Variants in PCDHGA8 observed in about 807,000 individuals in gnomAD.
The protein encoded by PCDHGA8 is protocadherin gamma-A8.
A neutral mutation model predicts 59.2 loss-of-function variants in PCDHGA8; 45 were observed. That is an observed-to-expected ratio of 0.76 (90% CI 0.60 to 0.98). The LOEUF is 0.98. Ranked by LOEUF, PCDHGA8 falls within the 50% of genes least tolerant of loss-of-function variation. The pLI is 0.00. For missense variants in PCDHGA8, 1,257 were observed against 1,196.2 expected, an observed-to-expected ratio of 1.05 and a Z score of -0.75; for synonymous variants, 531 against 519.0, an observed-to-expected ratio of 1.02 and a Z score of -0.32.
Position 141,477,486 on chromosome 5 carries a change from C to A in PCDHGA8, c.2425-17321C>A. On this transcript the variant is annotated intron_variant, in intron 1 of 3. Coordinates refer to ENST00000398604, the MANE Select transcript of PCDHGA8 (RefSeq NM_032088.2). This position sits in a 1 kb window ranked among gnomAD's most constrained non-coding sequence, Gnocchi z 4.9. ...GACATCAATGACAACCCTCCACAAT[C>A]TTCTCAATCTTCCTACGACGTTTAC... is the stretch of plus-strand genomic sequence containing the variant. The A allele has an allele frequency of 6.2e-7, 1 of 1,614,170 alleles. No homozygotes were observed. The highest frequency in any genetic ancestry group is 8.5e-7 in the Non-Finnish European group (1 of 1,180,040).
intron 1 of PCDHGA8, among the ~76,000 whole-genome samples, chr5:141,460,620 C>G (rs185269852): frequency 5.6e-4 from 85 of 151,856 alleles, no homozygotes; most frequent in African/African-American, 1.9e-3. Context: ...GATAGATAGA[C>G]AGATACAGAT....
intron 1 of PCDHGA8, chr5:141,399,438 T>C (rs2093809569): frequency 1.2e-6 from 2 of 1,613,996 alleles, no homozygotes; most frequent in Admixed American, 1.7e-5. Flanking sequence ...TCATCCTACA[T>C]ATCAGAGACG....
In PCDHGA8 at chr5:141,485,079, A is replaced by C; in HGVS notation, c.2425-9728A>C. ...AACCGCGCCAGAGCTGGCGCGGGGA[A>C]AGGGAGATAGGTGTCTCCAGCTGCT... is the stretch of plus-strand genomic sequence containing the variant. On this transcript the variant is annotated intron_variant, in intron 1 of 3. Transcript: ENST00000398604. This position sits in a 1 kb window ranked among gnomAD's most constrained non-coding sequence, Gnocchi z 5.7. 1 of 949,456 alleles carries C rather than the reference A, an allele frequency of 1.1e-6. No individual in the cohort carries two copies. The highest frequency in any genetic ancestry group is 1.6e-6 in the Non-Finnish European group (1 of 614,758). 58.8% of individuals were successfully genotyped at this position (949,456 alleles called of 1,614,324 possible).
At chr5:141,480,195 G>A (rs1350891459) in intron 1 of PCDHGA8, among the ~76,000 whole-genome samples, 1 of 151,182 alleles carries the variant, frequency 6.6e-6, no homozygotes, top group Non-Finnish European at 1.5e-5. Context: ...CTTGAGGCCA[G>A]CAGTTCAAGA....
At chr5:141,454,697 T>A (rs768850161) in intron 1 of PCDHGA8, among the ~76,000 whole-genome samples, 14 of 150,312 alleles carry the variant, frequency 9.3e-5, no homozygotes, top group African/African-American at 3.4e-4. Flanking sequence ...TGAGCCACCA[T>A]GCTCCACCTG....
At chr5:141,415,056 G>C in intron 1 of PCDHGA8, 2 of 1,613,416 alleles carry the variant, frequency 1.2e-6, no homozygotes, top group Non-Finnish European at 1.7e-6. Flanking sequence ...GGGAGCACAC[G>C]GGCGAGGTGC....
intron 1 of PCDHGA8, among the ~76,000 whole-genome samples, chr5:141,397,238 C>A (rs2093493095): frequency 6.6e-6 from 1 of 151,972 alleles, no homozygotes; most frequent in African/African-American, 2.4e-5. Flanking sequence ...AGAAGAGCAA[C>A]GTAGTAGGGT....
chr5:141,430,632 C>T, intron 1 of PCDHGA8: 1 of 852,604 alleles, frequency 1.2e-6, no homozygotes, highest in Non-Finnish European at 1.7e-6. Flanking sequence ...AATGAACCAT[C>T]CCTGGGAGTA....
rs770685748 is a variant in PCDHGA8 at position 141,486,601 on chromosome 5, C to T, written c.2425-8206C>T. 9 of 1,613,558 alleles carry T rather than the reference C, an allele frequency of 5.6e-6. No homozygotes were observed. The highest frequency in any genetic ancestry group is 7.6e-6 in the Non-Finnish European group (9 of 1,180,024). On this transcript the variant is annotated intron_variant, in intron 1 of 3. Transcript: ENST00000398604. This position sits in a 1 kb window ranked among gnomAD's most constrained non-coding sequence, Gnocchi z 5.0. ...ATCGCCCAGGGGACCTGCTTTGCTC[C>T]CTTGCAGCCTCTGACCCAGACTCTG...
chr5:141,409,907 C>T (rs1370065492), intron 1 of PCDHGA8: 1 of 1,613,294 alleles, frequency 6.2e-7, no homozygotes, highest in East Asian at 2.2e-5. Flanking sequence ...AGCTCTGGGT[C>T]CTGACGGCTC....
chr5:141,421,163 G>C, intron 1 of PCDHGA8: 2 of 1,276,926 alleles, frequency 1.6e-6, no homozygotes, highest in Non-Finnish European at 2.1e-6. Flanking sequence ...GGACTTCATA[G>C]ATACATAAGC....
chr5:141,439,889 C>T (rs997306014), intron 1 of PCDHGA8: 1 of 152,348 alleles, frequency 6.6e-6, no homozygotes, highest in Admixed American at 6.5e-5. Context: ...CTGGGTAGAA[C>T]CAAGGCGACT....
chr5:141,399,330 A>T, intron 1 of PCDHGA8: 1 of 1,613,994 alleles, frequency 6.2e-7, no homozygotes, highest in Non-Finnish European at 8.5e-7. Flanking sequence ...ATAAGTTGGT[A>T]ACAGATGGAA....
chr5:141,403,079 T>C (rs770770660), intron 1 of PCDHGA8: 3 of 1,614,064 alleles, frequency 1.9e-6, no homozygotes, highest in Non-Finnish European at 1.7e-6. Flanking sequence ...AGAAAAGGGC[T>C]ATATTGTGGG....
chr5:141,427,825 C>A (rs1342117815), intron 1 of PCDHGA8: 1 of 1,536,464 alleles, frequency 6.5e-7, no homozygotes, highest in Non-Finnish European at 8.9e-7. Flanking sequence ...GTGGTGGTCG[C>A]GCAGCGTGCC....
rs371245499 is a variant in PCDHGA8 at position 141,399,811 on chromosome 5, G to T, written c.2424+4574G>T. 1.0e-4 allele frequency: 169 copies of T among 1,613,100 alleles called. No homozygotes were observed. The highest frequency in any genetic ancestry group is 1.4e-4 in the Non-Finnish European group (163 of 1,179,762). ...CAACGCACCGCGGGTGCTGTACCCC[G>T]CGCTGGGTCCCGACGGCTCTGCGCT... On this transcript the variant is annotated intron_variant, in intron 1 of 3. Coordinates refer to ENST00000398604, the MANE Select transcript of PCDHGA8 (RefSeq NM_032088.2).
chr5:141,408,556 T>C (rs1215804867), intron 1 of PCDHGA8: 3 of 1,613,940 alleles, frequency 1.9e-6, no homozygotes, highest in Non-Finnish European at 2.5e-6. Context: ...ATATTTTTCA[T>C]GTCATTGTGG....
chr5:141,454,669 AC>A (rs1292139052), intron 1 of PCDHGA8, among the ~76,000 whole-genome samples: 1 of 151,212 alleles, frequency 6.6e-6, no homozygotes, highest in African/African-American at 2.4e-5. Context: ...GCCTCCCAAA[AC>A]ACTGGGATTA....
intron 1 of PCDHGA8, among the ~76,000 whole-genome samples, chr5:141,450,816 T>C (rs960010807): frequency 7.9e-6 from 1 of 126,568 alleles, no homozygotes; most frequent in Non-Finnish European, 1.6e-5. Context: ...ATTTATTTAA[T>C]ATTATTATTA....
Sources: gnomAD v4.1 joint callset for allele counts (sites outside exome capture counted in the v4.1 genomes callset) on GRCh38, gnomAD v4.1.1 for gene constraint, Gnocchi (gnomAD v3.1) non-coding constraint, MANE v1.5 for transcripts, NCBI Gene and HGNC (gene_info 2026-07-23, HGNC 2026-07-21) for gene names.